PPP3CC: variants seen among roughly 807,000 people sequenced by gnomAD.
PPP3CC encodes the protein protein phosphatase 3 catalytic subunit gamma.
Under a neutral mutation model 60.3 loss-of-function variants are expected in PPP3CC, and 35 were observed. That is an observed-to-expected ratio of 0.58 (90% CI 0.44 to 0.77). The LOEUF is 0.77. PPP3CC is among the 30% of genes least tolerant of loss of function. The pLI is 0.00. For synonymous variants in PPP3CC, 206 were observed against 224.3 expected (o/e 0.92, Z 0.73); for missense variants, 570 against 628.9 (o/e 0.91, Z 1.00).
chr8:22,445,948 T>C (rs1257646086), intron 1 of PPP3CC, among the ~76,000 whole-genome samples: 1 of 152,204 alleles, frequency 6.6e-6, no homozygotes, highest in Non-Finnish European at 1.5e-5. Flanking sequence ...ACACTTAATT[T>C]TTTTCTTTTT....
In PPP3CC at chr8:22,441,405, G is replaced by T; in HGVS notation, c.-5G>T. 1 of 1,541,740 alleles carries T rather than the reference G, an allele frequency of 6.5e-7. No homozygotes were observed. On this transcript the variant is annotated 5_prime_UTR_variant, in exon 1 of 14. Transcript: ENST00000240139. ...TCCTGGAGCCTGGAGGAGGCCGAGG[G>T]GACCATGTCCGGGAGGCGCTTCCAC...
At chr8:22,470,531 T>C (rs921707805) in intron 1 of PPP3CC, among the ~76,000 whole-genome samples, 3 of 152,168 alleles carry the variant, frequency 2.0e-5, no homozygotes, top group Non-Finnish European at 4.4e-5. Flanking sequence ...ATAAAGGACA[T>C]GTACCCAGAA....
In PPP3CC at chr8:22,520,291, A is replaced by G. The variant is rs557335355; in HGVS notation, c.771-2200A>G. Among the ~76,000 whole-genome samples the G allele has an allele frequency of 2.0e-5, 3 of 152,240 alleles. No individual in the cohort carries two copies. The East Asian group carries it at 5.8e-4, about 29-fold the overall frequency. ...TTTGAGTTTTAACAACTTAATTATA[A>G]TGAGTCTTGGTGTTTAACTTATTTG... On this transcript the variant is annotated intron_variant, in intron 6 of 13. Coordinates refer to ENST00000240139, the MANE Select transcript of PPP3CC (RefSeq NM_005605.5).
chr8:22,471,380 G>A (rs1200943475), intron 1 of PPP3CC, among the ~76,000 whole-genome samples: 1 of 150,414 alleles, frequency 6.6e-6, no homozygotes, highest in Non-Finnish European at 1.5e-5. Flanking sequence ...TCATGCATCC[G>A]AGAAATGTGT....
At chr8:22,462,593 C>T (rs1417800163) in intron 1 of PPP3CC, among the ~76,000 whole-genome samples, 7 of 148,328 alleles carry the variant, frequency 4.7e-5, no homozygotes, top group Non-Finnish European at 7.4e-5. Context: ...TTTTTTGAGA[C>T]GGAGTCTTGC....
intron 1 of PPP3CC, among the ~76,000 whole-genome samples, chr8:22,452,237 G>A (rs1042157270): frequency 6.6e-6 from 1 of 151,930 alleles, no homozygotes. Context: ...ACAGGGTCTT[G>A]CTATGTTGCC....
In PPP3CC at chr8:22,453,048, A is replaced by G. The variant is rs546643078; in HGVS notation, c.49+11590A>G. Among the ~76,000 whole-genome samples the G allele has an allele frequency of 5.3e-5, 8 of 152,344 alleles. No individual in the cohort carries two copies. In the South Asian group the frequency reaches 1.7e-3, roughly 32 times the overall value. On this transcript the variant is annotated intron_variant, in intron 1 of 13. Coordinates refer to ENST00000240139, the MANE Select transcript of PPP3CC (RefSeq NM_005605.5). ...AGCTTATTTTATGGATGACAGTGTA[A>G]GAAAGAGTACAGACTCTGCTGATTA...
At chr8:22,497,158 T>C (rs987088402) in intron 3 of PPP3CC, among the ~76,000 whole-genome samples, 2 of 152,106 alleles carry the variant, frequency 1.3e-5, no homozygotes, top group South Asian at 4.1e-4. Flanking sequence ...GCCTCCCGAG[T>C]AGCTGGGGTT....
In PPP3CC at chr8:22,520,444, G is replaced by T. The variant is rs572919319; in HGVS notation, c.771-2047G>T. The stretch of plus-strand genomic sequence containing the variant: ...TCTTCTCCTTAACTCCCATATGCCT[G>T]TATTATTTTCACTTGATGTTGTCCC... On this transcript the variant is annotated intron_variant, in intron 6 of 13. Transcript: ENST00000240139. Among the ~76,000 whole-genome samples, 7 of 152,004 alleles carry T rather than the reference G, an allele frequency of 4.6e-5. No individual in the cohort carries two copies. The South Asian group carries it at 1.5e-3, about 32-fold the overall frequency.
chr8:22,535,309 G>A (rs553048435), intron 12 of PPP3CC, among the ~76,000 whole-genome samples: 1 of 152,112 alleles, frequency 6.6e-6, no homozygotes, highest in South Asian at 2.1e-4. Flanking sequence ...GTTGATGTTC[G>A]TGAGAATAAA....
chr8:22,473,376 A>G (rs941039604), intron 1 of PPP3CC, among the ~76,000 whole-genome samples: 11 of 152,162 alleles, frequency 7.2e-5, no homozygotes, highest in African/African-American at 2.4e-4. Flanking sequence ...ATTCTCCATG[A>G]TATTATATAT....
chr8:22,512,874 C>A (rs1005428549), intron 5 of PPP3CC, among the ~76,000 whole-genome samples: 2 of 151,974 alleles, frequency 1.3e-5, no homozygotes, highest in Non-Finnish European at 2.9e-5. Flanking sequence ...GTCAGGAGTT[C>A]GAGACCAGCC....
At chr8:22,482,401 T>C (rs1838095556) in intron 3 of PPP3CC, among the ~76,000 whole-genome samples, 1 of 152,214 alleles carries the variant, frequency 6.6e-6, no homozygotes, top group Non-Finnish European at 1.5e-5. Context: ...TTCTTGTAAA[T>C]TTGTTTAAGT....
Position 22,525,576 on chromosome 8 carries a change from C to T in PPP3CC, c.944-1816C>T, listed in dbSNP as rs189850631. Among the ~76,000 whole-genome samples the T allele has an allele frequency of 9.0e-3, 1,307 of 145,102 alleles. 27 individuals are homozygous for T. The highest frequency in any genetic ancestry group is 0.033 in the African/African-American group (1,238 of 37,336). On this transcript the variant is annotated intron_variant, in intron 8 of 13. Coordinates refer to ENST00000240139, the MANE Select transcript of PPP3CC (RefSeq NM_005605.5). The stretch of plus-strand genomic sequence containing the variant: ...TCTCTCTCTTTCTTTCTCTCTCTCT[C>T]TCTTTCTCTCGGTCTCTGTCACTTA...
At chr8:22,486,054 C>T (rs183053253) in intron 3 of PPP3CC, among the ~76,000 whole-genome samples, 2 of 151,646 alleles carry the variant, frequency 1.3e-5, no homozygotes, top group Non-Finnish European at 1.5e-5. Flanking sequence ...GTGCTTCCCC[C>T]CCGCCCTCTT....
intron 6 of PPP3CC, among the ~76,000 whole-genome samples, chr8:22,517,465 A>G (rs1263674103): frequency 6.6e-6 from 1 of 152,048 alleles, no homozygotes; most frequent in African/African-American, 2.4e-5. Flanking sequence ...GATTAATAGA[A>G]TTCACCCATG....
chr8:22,475,829 A>T (rs12544288), intron 3 of PPP3CC, among the ~76,000 whole-genome samples: 9,033 of 152,268 alleles, frequency 0.059, 303 homozygotes, highest in South Asian at 0.11. Flanking sequence ...CAAATAGGCT[A>T]TATATTAATA....
At chr8:22,513,758 C>T (rs779778373) in intron 6 of PPP3CC, among the ~76,000 whole-genome samples, 26 of 152,092 alleles carry the variant, frequency 1.7e-4, no homozygotes, top group Non-Finnish European at 3.4e-4. Context: ...TTGGCTCTTT[C>T]CCCAGAGATT....
At chr8:22,514,615 T>C (rs1009197699) in intron 6 of PPP3CC, among the ~76,000 whole-genome samples, 1 of 151,886 alleles carries the variant, frequency 6.6e-6, no homozygotes, top group African/African-American at 2.4e-5. Context: ...CAAGCATTTA[T>C]CCTTTGTGTT....
Sources: allele counts gnomAD v4.1 joint callset (sites outside exome capture counted in the v4.1 genomes callset), GRCh38; gene constraint gnomAD v4.1.1; transcripts MANE v1.5; gene names NCBI Gene and HGNC (gene_info 2026-07-23, HGNC 2026-07-21).